MED12L: variants seen among roughly 807,000 people sequenced by gnomAD.
The protein encoded by MED12L is mediator of RNA polymerase II transcription subunit 12-like protein.
A neutral mutation model predicts 281.3 loss-of-function variants in MED12L; 60 were observed. The ratio of observed to expected loss-of-function variants is 0.21; its 90% CI spans 0.17 to 0.26. The LOEUF (loss-of-function observed/expected upper bound fraction) is 0.26, where lower values mean the gene tolerates loss of function less well. Among genes scored for constraint, MED12L ranks in the 10% least tolerant of loss-of-function variants. The pLI is 1.00. For missense variants in MED12L, 2,146 were observed against 2,680.9 expected, an observed-to-expected ratio of 0.80 and a Z score of 4.41; for synonymous variants, 974 against 987.2, an observed-to-expected ratio of 0.99 and a Z score of 0.25.
At chr3:151,350,978 C>T (rs1753168187) in intron 17 of MED12L, among the ~76,000 whole-genome samples, 1 of 152,030 alleles carries the variant, frequency 6.6e-6, no homozygotes, top group African/African-American at 2.4e-5. Context: ...ATCCTGCTAC[C>T]ACCACTGGTG....
intron 5 of MED12L, among the ~76,000 whole-genome samples, chr3:151,132,758 A>G (rs943432808): frequency 1.3e-4 from 20 of 152,230 alleles, no homozygotes; most frequent in African/African-American, 4.6e-4. Flanking sequence ...CCAAATATCT[A>G]ATCTTGTTTT....
chr3:151,187,777 C>G (rs1364249519), intron 12 of MED12L, among the ~76,000 whole-genome samples: 1 of 152,202 alleles, frequency 6.6e-6, no homozygotes, highest in Non-Finnish European at 1.5e-5. Context: ...TGTTAGCCTT[C>G]TCATTTGATA....
chr3:151,111,069 G>A (rs1053645241), intron 2 of MED12L, among the ~76,000 whole-genome samples: 2 of 152,228 alleles, frequency 1.3e-5, no homozygotes, highest in African/African-American at 4.8e-5. Context: ...AACTCTGTGG[G>A]TGGGACCAGC....
intron 16 of MED12L, among the ~76,000 whole-genome samples, chr3:151,214,537 C>G (rs1334622711): frequency 6.6e-6 from 1 of 151,930 alleles, no homozygotes; most frequent in Non-Finnish European, 1.5e-5. Flanking sequence ...TCCTTTTCTC[C>G]TTTCCCTCCC....
At position 151,085,859 on chromosome 3, in the gene MED12L, A is replaced by G. The variant is rs1719088057; in HGVS notation, c.-207A>G. On this transcript the variant is annotated 5_prime_UTR_variant, in exon 1 of 45. Transcript: ENST00000687756. ...AAATCAAATCCAAGTCCCCCATCCC[A>G]ACCCGAATGATGGAGGCTGCGGCGG... The G allele has an allele frequency of 6.6e-6, 1 of 151,870 alleles. No homozygotes were observed. Among genetic ancestry groups the G allele is most frequent in the Admixed American group, 6.5e-5 (1 of 15,272 alleles). The allele number at this position is 151,870 out of a possible 1,614,324, so 9.4% of individuals were successfully genotyped here.
At chr3:151,416,078 A>G (rs540235013) in intron 42 of MED12L, among the ~76,000 whole-genome samples, 43 of 152,326 alleles carry the variant, frequency 2.8e-4, no homozygotes, top group African/African-American at 1.0e-3. Context: ...ACTGACTGCC[A>G]GTGGAAGAGA....
At position 151,119,614 on chromosome 3, in the gene MED12L, A is replaced by G. The variant is rs1022997455; in HGVS notation, c.205-3169A>G. On this transcript the variant is annotated intron_variant, in intron 3 of 44. Coordinates refer to ENST00000687756, the MANE Select transcript of MED12L (RefSeq NM_001393769.1). Reference sequence around the variant, plus strand: ...TAAGGCTTGAGGATGAATTTTGAGGATGCAATTTAGTCTCATAACAGAGAG... The same window carrying G: ...TAAGGCTTGAGGATGAATTTTGAGGGTGCAATTTAGTCTCATAACAGAGAG... 3.0e-4 allele frequency among the ~76,000 whole-genome samples: 45 copies of G among 152,288 alleles called. 1 individual carries two copies. The highest frequency in any genetic ancestry group is 1.1e-3 in the African/African-American group (44 of 41,566).
At position 151,208,414 on chromosome 3, in the gene MED12L, C is replaced by T. The variant is rs140258946; in HGVS notation, c.2250+14748C>T. Among the ~76,000 whole-genome samples, 469 of 152,256 alleles carry T rather than the reference C, an allele frequency of 3.1e-3. 3 individuals are homozygous for T. Among genetic ancestry groups the T allele is most frequent in the Non-Finnish European group, 4.6e-3 (315 of 68,016 alleles). Reference sequence around the variant, plus strand: ...TAGAAAATAGAACATTGAGGCCGGGCGCTCACGCCTGTCATCTCAGCACTT... The same window carrying T: ...TAGAAAATAGAACATTGAGGCCGGGTGCTCACGCCTGTCATCTCAGCACTT... On this transcript the variant is annotated intron_variant, in intron 16 of 44. Coordinates refer to ENST00000687756, the MANE Select transcript of MED12L (RefSeq NM_001393769.1).
chr3:151,166,102 A>T (rs1720683268), intron 11 of MED12L, 120 bp downstream of exon 11: 1 of 760,584 alleles, frequency 1.3e-6, no homozygotes, highest in South Asian at 2.1e-5. Flanking sequence ...ATGAAGACAT[A>T]CACACTTGAA....
At chr3:151,409,681 G>A (rs1716736259) in intron 40 of MED12L, among the ~76,000 whole-genome samples, 1 of 152,120 alleles carries the variant, frequency 6.6e-6, no homozygotes, top group Non-Finnish European at 1.5e-5. Context: ...TATTTGGGCT[G>A]GACTCAGTGG....
chr3:151,257,356 A>G (rs1336682254), intron 16 of MED12L, among the ~76,000 whole-genome samples: 1 of 152,176 alleles, frequency 6.6e-6, no homozygotes, highest in Admixed American at 6.5e-5. Context: ...TGTTTTTTTA[A>G]ATTGTTTATG....
chr3:151,320,739 C>T (rs1748898695), intron 16 of MED12L, among the ~76,000 whole-genome samples: 1 of 152,144 alleles, frequency 6.6e-6, no homozygotes, highest in African/African-American at 2.4e-5. Flanking sequence ...ACTGATACTC[C>T]TTCCTATGCT....
chr3:151,153,541 A>T (rs2148923029), intron 5 of MED12L, among the ~76,000 whole-genome samples: 1 of 135,106 alleles, frequency 7.4e-6, no homozygotes, highest in East Asian at 2.2e-4. Context: ...TATAATCTGT[A>T]TGTATCCGTT....
In MED12L at chr3:151,328,697, G is replaced by A. The variant is rs575804697; in HGVS notation, c.2251-21362G>A. 51 of 1,613,790 alleles carry A rather than the reference G, an allele frequency of 3.2e-5. No homozygotes were observed. The highest frequency in any genetic ancestry group is 3.9e-5 in the Non-Finnish European group (46 of 1,179,872). ...ATACATGGTCTCATAAAATATCACCGAAGAAAAACGACACACAAAAGCTCT... is the reference window on the plus strand; with the variant it reads ...ATACATGGTCTCATAAAATATCACCAAAGAAAAACGACACACAAAAGCTCT... On this transcript the variant is annotated intron_variant, in intron 16 of 44. Coordinates refer to ENST00000687756, the MANE Select transcript of MED12L (RefSeq NM_001393769.1).
intron 27 of MED12L, 86 bp downstream of exon 27, chr3:151,372,852 T>C: frequency 2.1e-6 from 2 of 962,130 alleles, no homozygotes; most frequent in Non-Finnish European, 3.1e-6. Flanking sequence ...AACTTGTGCA[T>C]AGGTGGGCCT....
chr3:151,155,784 T>G (rs888887553), intron 5 of MED12L, among the ~76,000 whole-genome samples: 2 of 152,224 alleles, frequency 1.3e-5, no homozygotes, highest in African/African-American at 4.8e-5. Flanking sequence ...CCCTTCACGA[T>G]TCTGTCCTGC....
intron 16 of MED12L, among the ~76,000 whole-genome samples, chr3:151,271,819 A>T (rs1473555600): frequency 6.6e-6 from 1 of 152,196 alleles, no homozygotes; most frequent in Non-Finnish European, 1.5e-5. Context: ...TAATACTGGT[A>T]GAACTAAGCT....
chr3:151,330,273 T>A (rs985869361), intron 16 of MED12L, among the ~76,000 whole-genome samples: 2 of 152,194 alleles, frequency 1.3e-5, no homozygotes, highest in African/African-American at 4.8e-5. Flanking sequence ...CCCATTGCCA[T>A]GGGAATGAAT....
At chr3:151,309,972 G>A (rs891686574) in intron 16 of MED12L, among the ~76,000 whole-genome samples, 7 of 152,068 alleles carry the variant, frequency 4.6e-5, no homozygotes, top group African/African-American at 7.2e-5. Flanking sequence ...AGTAGGAATT[G>A]GCCATTGACC....
Sources: allele counts gnomAD v4.1 joint callset (sites outside exome capture counted in the v4.1 genomes callset), GRCh38; gene constraint gnomAD v4.1.1; transcripts MANE v1.5; gene names NCBI Gene and HGNC (gene_info 2026-07-23, HGNC 2026-07-21).